The following ZNF76 variants were observed in gnomAD, a reference collection of about 807,000 sequenced individuals.
The protein encoded by ZNF76 is zinc finger protein 76.
ZNF76 carries 66 observed loss-of-function variants against 66.9 expected under a neutral mutation model. That is an observed-to-expected ratio of 0.99 (90% CI 0.81 to 1.21). The LOEUF is 1.21. Among genes scored for constraint, ZNF76 ranks in the 50% most tolerant of loss-of-function variants. The pLI, the probability that ZNF76 is intolerant of heterozygous loss-of-function variation, is 0.00. For missense variants in ZNF76, 729 were observed against 760.3 expected (o/e 0.96, Z 0.48); for synonymous variants, 275 against 296.1 (o/e 0.93, Z 0.73).
At chr6:35,267,148 G>A (rs746435192) in intron 1 of ZNF76, among the ~76,000 whole-genome samples, 3 of 151,954 alleles carry the variant, frequency 2.0e-5, no homozygotes, top group Admixed American at 6.6e-5. Flanking sequence ...AGGCTGGAGT[G>A]CAGTGGCGCA....
Position 35,281,160 on chromosome 6 carries a change from C to T in ZNF76, c.9C>T (p.Ser3=). 6.2e-7 allele frequency: 1 copy of T among 1,614,024 alleles called. No individual in the cohort carries two copies. Among genetic ancestry groups the T allele is most frequent in the South Asian group, 1.1e-5 (1 of 91,080 alleles). ME[S]LGLHTVTLSD... ...ACGAGCAGCAGTTTGCCATGGAGAGCTTGGGGCTGCACACGGTGACCCTTA... is the reference window on the plus strand; with the variant it reads ...ACGAGCAGCAGTTTGCCATGGAGAGTTTGGGGCTGCACACGGTGACCCTTA... Residue 3 remains serine (S), a synonymous_variant, in exon 2 of 14, where the codon AGC becomes AGT. Coordinates refer to ENST00000373953, the MANE Select transcript of ZNF76 (RefSeq NM_003427.5).
At chr6:35,286,024 G>C (rs758123767) in intron 2 of ZNF76, 104 bp from the exon 3 acceptor site, 74 of 1,034,014 alleles carry the variant, frequency 7.2e-5, no homozygotes, top group Non-Finnish European at 1.1e-4. Flanking sequence ...TAGACCTGCA[G>C]GCTCGTGCCT....
At chr6:35,290,513 A>T (rs781575829) in intron 6 of ZNF76, 128 bp from the exon 7 acceptor site, 17 of 1,520,050 alleles carry the variant, frequency 1.1e-5, no homozygotes, top group Non-Finnish European at 1.5e-5. Flanking sequence ...GTACACAGGA[A>T]TGCCAGCACA....
chr6:35,266,057 G>A (rs1786005067), intron 1 of ZNF76, among the ~76,000 whole-genome samples: 1 of 152,204 alleles, frequency 6.6e-6, no homozygotes, highest in Non-Finnish European at 1.5e-5. Context: ...ATGGAAAGGT[G>A]AGAAGTGGTT....
intron 12 of ZNF76, 42 bp downstream of exon 12, chr6:35,293,957 T>G: frequency 6.2e-7 from 1 of 1,606,024 alleles, no homozygotes; most frequent in African/African-American, 1.3e-5. Context: ...ATTTTGTCAT[T>G]CCTTTCCATG....
At chr6:35,281,012 A>G in intron 1 of ZNF76, 44 bp from the exon 2 acceptor site, 1 of 808,834 alleles carries the variant, frequency 1.2e-6, no homozygotes, top group South Asian at 1.5e-5. Flanking sequence ...TTGCGATAGG[A>G]GAAAGCTGGT....
chr6:35,292,148 C>T lies in ZNF76; in HGVS notation c.932-406C>T, dbSNP rs1479748442. On this transcript the variant is annotated intron_variant, in intron 9 of 13. Coordinates refer to ENST00000373953, the MANE Select transcript of ZNF76 (RefSeq NM_003427.5). This position sits in a 1 kb window ranked among gnomAD's most constrained non-coding sequence, Gnocchi z 4.7. ...CCTCACCCTCCCCAGTGTTATGCCC[C>T]TCATCCAGCTTTCTGTGTTGTGTCT... 2 of 403,160 alleles carry T rather than the reference C, an allele frequency of 5.0e-6. No homozygotes were observed. The highest frequency in any genetic ancestry group is 9.3e-6 in the Non-Finnish European group (2 of 214,162). The allele number at this position is 403,160 out of a possible 1,614,324, so 25.0% of individuals were successfully genotyped here.
intron 1 of ZNF76, among the ~76,000 whole-genome samples, chr6:35,266,039 G>A (rs1247260434): frequency 6.6e-6 from 1 of 152,204 alleles, no homozygotes; most frequent in Non-Finnish European, 1.5e-5. Flanking sequence ...TGAACCCAAG[G>A]TGAAGCAATG....
At chr6:35,261,552 ACT>A (rs1785258649) in intron 1 of ZNF76, among the ~76,000 whole-genome samples, 3 of 152,054 alleles carry the variant, frequency 2.0e-5, no homozygotes, top group Non-Finnish European at 4.4e-5. Flanking sequence ...TGAACCAGAA[ACT>A]CTCACAGCTA....
intron 2 of ZNF76, among the ~76,000 whole-genome samples, chr6:35,284,798 C>T (rs186703946): frequency 8.2e-4 from 125 of 152,250 alleles, no homozygotes; most frequent in Admixed American, 1.3e-3. Context: ...GCAACTTCTG[C>T]CTCCTGGGCT....
At chr6:35,283,248 T>TAC (rs937555495) in intron 2 of ZNF76, among the ~76,000 whole-genome samples, 1 of 152,128 alleles carries the variant, frequency 6.6e-6, no homozygotes, top group Non-Finnish European at 1.5e-5. Context: ...AGTGTGCACT[T>TAC]ACACACACAC....
At chr6:35,276,877 A>AC (rs1787983222) in intron 1 of ZNF76, among the ~76,000 whole-genome samples, 1 of 145,324 alleles carries the variant, frequency 6.9e-6, no homozygotes, top group South Asian at 2.1e-4. Context: ...GCTCACTGCA[A>AC]CCTCCGCCTC....
intron 1 of ZNF76, among the ~76,000 whole-genome samples, chr6:35,262,498 C>G (rs1785403270): frequency 6.6e-6 from 1 of 152,170 alleles, no homozygotes; most frequent in Non-Finnish European, 1.5e-5. Flanking sequence ...CCTGTGAACT[C>G]ACTCACCATA....
At chr6:35,264,343 G>C (rs1307709896) in intron 1 of ZNF76, among the ~76,000 whole-genome samples, 2 of 152,132 alleles carry the variant, frequency 1.3e-5, no homozygotes, top group Non-Finnish European at 2.9e-5. Flanking sequence ...TGTATTTCTG[G>C]TAAGATAGGT....
chr6:35,275,417 G>A (rs1044772914), intron 1 of ZNF76, among the ~76,000 whole-genome samples: 1 of 152,120 alleles, frequency 6.6e-6, no homozygotes, highest in Non-Finnish European at 1.5e-5. Flanking sequence ...GCAAGTGCAG[G>A]CAGAACTCAC....
intron 7 of ZNF76, 120 bp from the exon 8 acceptor site, chr6:35,291,158 T>C (rs1790316922): frequency 7.3e-7 from 1 of 1,364,752 alleles, no homozygotes; most frequent in East Asian, 2.5e-5. Context: ...AGGGGTGGGA[T>C]AGAGGCAGAC....
intron 2 of ZNF76, 86 bp from the exon 3 acceptor site, chr6:35,286,042 C>A: frequency 1.6e-6 from 2 of 1,284,078 alleles, no homozygotes; most frequent in East Asian, 2.3e-5. Context: ...CCTAGAGACT[C>A]AAATAAGCCT....
chr6:35,288,155 T>C (rs980317087), intron 5 of ZNF76: 9 of 570,902 alleles, frequency 1.6e-5, no homozygotes, highest in African/African-American at 1.5e-4. Flanking sequence ...TGCTGAGGAG[T>C]TAGGCCCAGC....
At chr6:35,262,569 G>T (rs968489086) in intron 1 of ZNF76, among the ~76,000 whole-genome samples, 2 of 151,970 alleles carry the variant, frequency 1.3e-5, no homozygotes, top group Admixed American at 6.6e-5. Context: ...AAGTCCCTTA[G>T]CCCCAGGAAT....
Sources: gnomAD v4.1 joint callset for allele counts (sites outside exome capture counted in the v4.1 genomes callset) on GRCh38, gnomAD v4.1.1 for gene constraint, Gnocchi (gnomAD v3.1) non-coding constraint, MANE v1.5 for transcripts, NCBI Gene and HGNC (gene_info 2026-07-23, HGNC 2026-07-21) for gene names.